KMT2C: variants seen among roughly 807,000 people sequenced by gnomAD.
The protein encoded by KMT2C is histone-lysine N-methyltransferase 2C.
A neutral mutation model predicts 507.9 loss-of-function variants in KMT2C; 88 were observed. The ratio of observed to expected loss-of-function variants is 0.17; its 90% CI spans 0.15 to 0.21. The LOEUF (loss-of-function observed/expected upper bound fraction) is 0.21. Among genes scored for constraint, KMT2C ranks in the 10% least tolerant of loss-of-function variants. The pLI, the probability that KMT2C is intolerant of heterozygous loss-of-function variation, is 1.00. For missense variants in KMT2C, 4,954 were observed against 5,957.8 expected, an observed-to-expected ratio of 0.83 and a Z score of 5.55; for synonymous variants, 2,049 against 2,080.8, an observed-to-expected ratio of 0.98 and a Z score of 0.42.
intron 1 of KMT2C, among the ~76,000 whole-genome samples, chr7:152,403,709 GACACATACACAC>G (rs2097586073): frequency 2.3e-4 from 35 of 150,216 alleles, no homozygotes; most frequent in Middle Eastern, 6.9e-3. Flanking sequence ...GAAAAACTGG[GACACATACACAC>G]ACACACACAC....
chr7:152,240,472 G>A (rs111989827), intron 14 of KMT2C, among the ~76,000 whole-genome samples: 27 of 147,876 alleles, frequency 1.8e-4, no homozygotes, highest in South Asian at 4.3e-4. Context: ...GATCCTAAAT[G>A]GTATTATCTA....
At chr7:152,347,791 C>G (rs2097073974) in intron 2 of KMT2C, among the ~76,000 whole-genome samples, 1 of 152,106 alleles carries the variant, frequency 6.6e-6, no homozygotes, top group Non-Finnish European at 1.5e-5. Flanking sequence ...TGCATTCATG[C>G]ATACCTTTTT....
At chr7:152,337,056 A>T (rs1408844756) in intron 2 of KMT2C, among the ~76,000 whole-genome samples, 2 of 152,192 alleles carry the variant, frequency 1.3e-5, no homozygotes, top group Non-Finnish European at 2.9e-5. Context: ...TTTGGGAAGC[A>T]GGAGGATCAC....
At chr7:152,432,955 T>G (rs933946391) in intron 1 of KMT2C, among the ~76,000 whole-genome samples, 1 of 152,152 alleles carries the variant, frequency 6.6e-6, no homozygotes, top group Non-Finnish European at 1.5e-5. Context: ...AAGACCAGCC[T>G]GGCCAACATG....
At chr7:152,417,523 T>A (rs2097751658) in intron 1 of KMT2C, among the ~76,000 whole-genome samples, 2 of 152,320 alleles carry the variant, frequency 1.3e-5, no homozygotes, top group South Asian at 2.1e-4. Flanking sequence ...AGATACAGAT[T>A]GAACAGCTTA....
At chr7:152,415,841 C>A (rs151314511) in intron 1 of KMT2C, among the ~76,000 whole-genome samples, 1 of 149,228 alleles carries the variant, frequency 6.7e-6, no homozygotes. Flanking sequence ...GATCGTGCCA[C>A]GGCACTCCAG....
chr7:152,394,740 C>A (rs935009305), intron 1 of KMT2C, among the ~76,000 whole-genome samples: 2 of 152,184 alleles, frequency 1.3e-5, no homozygotes, highest in African/African-American at 2.4e-5. Flanking sequence ...TTGTTTTGCT[C>A]ACTGCTGTAT....
intron 6 of KMT2C, among the ~76,000 whole-genome samples, chr7:152,274,138 A>G (rs1251842617): frequency 2.6e-5 from 4 of 151,916 alleles, no homozygotes; most frequent in Non-Finnish European, 2.9e-5. Context: ...CATTTTTGAA[A>G]CAAAACCTAA....
chr7:152,180,318 A>C, intron 36 of KMT2C, among the ~76,000 whole-genome samples, 192 bp from the exon 37 acceptor site: 1 of 152,130 alleles, frequency 6.6e-6, no homozygotes. Context: ...ACCGTGCCTG[A>C]CAGGTTAGTG....
intron 1 of KMT2C, among the ~76,000 whole-genome samples, chr7:152,432,847 G>A (rs1231889660): frequency 1.3e-5 from 2 of 152,104 alleles, no homozygotes; most frequent in African/African-American, 4.8e-5. Flanking sequence ...CCACTTCATT[G>A]TCAAAAGGCA....
At chr7:152,143,501 C>G (rs1008935534) in intron 55 of KMT2C, among the ~76,000 whole-genome samples, 3 of 152,262 alleles carry the variant, frequency 2.0e-5, no homozygotes, top group African/African-American at 7.2e-5. Flanking sequence ...GCCCCCGAAC[C>G]TGCACATCCT....
At chr7:152,377,618 C>T (rs34685302) in intron 1 of KMT2C, among the ~76,000 whole-genome samples, 7,467 of 151,664 alleles carry the variant, frequency 0.049, 306 homozygotes, top group African/African-American at 0.11. Flanking sequence ...ACCTGTAGTC[C>T]CAGATACTCG....
chr7:152,221,012 T>C (rs1473777659), intron 22 of KMT2C, among the ~76,000 whole-genome samples: 1 of 152,060 alleles, frequency 6.6e-6, no homozygotes, highest in Non-Finnish European at 1.5e-5. Flanking sequence ...CCCAGCACTT[T>C]GGGGGGCCGA....
chr7:152,187,635 T>C, intron 32 of KMT2C, 80 bp downstream of exon 32: 1 of 1,505,930 alleles, frequency 6.6e-7, no homozygotes, highest in South Asian at 1.2e-5. Context: ...TCATACACAA[T>C]CATTTAAGCA....
At chr7:152,367,980 A>T in intron 1 of KMT2C, 2 of 878,808 alleles carry the variant, frequency 2.3e-6, no homozygotes, top group Non-Finnish European at 3.7e-6. Context: ...TAAAAAACAG[A>T]TAATGAAAGA....
intron 31 of KMT2C, among the ~76,000 whole-genome samples, chr7:152,191,940 T>A (rs1298599895): frequency 6.6e-6 from 1 of 152,160 alleles, no homozygotes; most frequent in Non-Finnish European, 1.5e-5. Context: ...ATAATACACA[T>A]TAGTTGTATA....
At chr7:152,341,914 T>C in intron 2 of KMT2C, among the ~76,000 whole-genome samples, 1 of 152,196 alleles carries the variant, frequency 6.6e-6, no homozygotes, top group Admixed American at 6.5e-5. Flanking sequence ...CTTTTTAAAA[T>C]AATAATATCA....
At chr7:152,298,943 T>C (rs555233099) in intron 6 of KMT2C, among the ~76,000 whole-genome samples, 1 of 152,304 alleles carries the variant, frequency 6.6e-6, no homozygotes, top group Admixed American at 6.5e-5. Context: ...CCTCTCTAAA[T>C]GTACACTATA....
intron 2 of KMT2C, among the ~76,000 whole-genome samples, chr7:152,353,987 T>A (rs1186631218): frequency 6.8e-6 from 1 of 146,314 alleles, no homozygotes; most frequent in Non-Finnish European, 1.5e-5. Context: ...ATTTGCAGGT[T>A]TAGTGGTTAT....
Sources: allele counts gnomAD v4.1 joint callset (sites outside exome capture counted in the v4.1 genomes callset), GRCh38; gene constraint gnomAD v4.1.1; transcripts MANE v1.5; gene names NCBI Gene and HGNC (gene_info 2026-07-23, HGNC 2026-07-21).